Variants in KCNQ5 observed in about 807,000 individuals in gnomAD.
KCNQ5 encodes potassium voltage-gated channel subfamily Q member 5, also known as potassium voltage-gated channel subfamily KQT member 5.
A neutral mutation model predicts 98.2 loss-of-function variants in KCNQ5; 30 were observed. The observed-to-expected ratio is 0.31, with a 90% confidence interval of 0.23 to 0.41. The LOEUF (loss-of-function observed/expected upper bound fraction) is 0.41, where lower values mean the gene tolerates loss of function less well. Among genes scored for constraint, KCNQ5 ranks in the 10% least tolerant of loss-of-function variants. The pLI is 1.00. For synonymous variants in KCNQ5, 458 were observed against 449.4 expected, an observed-to-expected ratio of 1.02 and a Z score of -0.24; for missense variants, 835 against 1,182.5, an observed-to-expected ratio of 0.71 and a Z score of 4.31.
chr6:73,065,049 G>GAAAA (rs67817942), intron 3 of KCNQ5, among the ~76,000 whole-genome samples: 3 of 146,790 alleles, frequency 2.0e-5, no homozygotes, highest in Non-Finnish European at 1.5e-5. Context: ...CCTGTAGCAT[G>GAAAA]AGAAAAAAAA....
chr6:73,040,088 G>A (rs1403387563), intron 2 of KCNQ5, among the ~76,000 whole-genome samples: 2 of 151,974 alleles, frequency 1.3e-5, no homozygotes, highest in Non-Finnish European at 1.5e-5. Context: ...ACTTGTAAAT[G>A]TACTTTATCC....
At chr6:73,151,488 A>G (rs932054835) in intron 10 of KCNQ5, among the ~76,000 whole-genome samples, 3 of 152,224 alleles carry the variant, frequency 2.0e-5, no homozygotes, top group Non-Finnish European at 4.4e-5. Flanking sequence ...TTCAGCATCT[A>G]CATTATGTAT....
At chr6:72,970,549 AAGCCAAAAGAAC>A (rs1767836538) in intron 1 of KCNQ5, among the ~76,000 whole-genome samples, 2 of 152,188 alleles carry the variant, frequency 1.3e-5, no homozygotes, top group African/African-American at 4.8e-5. Context: ...TATAAGAGGT[AAGCCAAAAGAAC>A]AAAGCTGGAG....
At chr6:73,001,346 T>A (rs965554098) in intron 1 of KCNQ5, among the ~76,000 whole-genome samples, 1 of 152,216 alleles carries the variant, frequency 6.6e-6, no homozygotes, top group Non-Finnish European at 1.5e-5. Flanking sequence ...ATTTTTGGCA[T>A]AGGAATTATT....
At chr6:73,087,488 A>G (rs1016502173) in intron 5 of KCNQ5, among the ~76,000 whole-genome samples, 44 of 152,200 alleles carry the variant, frequency 2.9e-4, no homozygotes, top group Non-Finnish European at 5.1e-4. Context: ...AACTGCAGAT[A>G]TGTGAATTGG....
At chr6:72,871,663 A>G (rs1778212695) in intron 1 of KCNQ5, among the ~76,000 whole-genome samples, 2 of 152,206 alleles carry the variant, frequency 1.3e-5, no homozygotes, top group Non-Finnish European at 2.9e-5. Flanking sequence ...ATGTAAACTA[A>G]AAGCCAACAT....
intron 3 of KCNQ5, among the ~76,000 whole-genome samples, chr6:73,053,489 C>T (rs1772334561): frequency 6.6e-6 from 1 of 152,012 alleles, no homozygotes; most frequent in African/African-American, 2.4e-5. Flanking sequence ...ATTGACTAAT[C>T]AGCCATAAAA....
chr6:73,111,238 CTT>C, intron 6 of KCNQ5, 68 bp from the exon 7 acceptor site: 1 of 1,060,948 alleles, frequency 9.4e-7, no homozygotes, highest in East Asian at 2.4e-5. Flanking sequence ...ATTTTAGTGA[CTT>C]TTTAATATTT....
intron 1 of KCNQ5, among the ~76,000 whole-genome samples, chr6:72,891,688 T>A (rs556704962): frequency 6.6e-6 from 1 of 152,336 alleles, no homozygotes; most frequent in South Asian, 2.1e-4. Context: ...AAGGTGCAAC[T>A]CTACCATCTT....
intron 1 of KCNQ5, among the ~76,000 whole-genome samples, chr6:72,937,702 G>A (rs4587134): frequency 6.6e-6 from 1 of 152,060 alleles, no homozygotes; most frequent in East Asian, 1.9e-4. Flanking sequence ...ATTAACAAGA[G>A]AAAAATGTGT....
chr6:72,627,591 GTCA>G (rs2098918602), intron 1 of KCNQ5, among the ~76,000 whole-genome samples: 1 of 152,204 alleles, frequency 6.6e-6, no homozygotes, highest in South Asian at 2.1e-4. Flanking sequence ...AGTGCTAAGA[GTCA>G]TAAATATGAT....
intron 5 of KCNQ5, among the ~76,000 whole-genome samples, chr6:73,087,057 C>T (rs1273313764): frequency 6.6e-6 from 1 of 152,098 alleles, no homozygotes; most frequent in East Asian, 1.9e-4. Flanking sequence ...TAATTAGTAG[C>T]TTAGAATTTA....
At chr6:73,034,273 C>CT (rs1330355099) in intron 2 of KCNQ5, among the ~76,000 whole-genome samples, 9 of 152,142 alleles carry the variant, frequency 5.9e-5, no homozygotes, top group African/African-American at 2.2e-4. Context: ...CCCTATGTTA[C>CT]TTTAAGTATA....
intron 10 of KCNQ5, among the ~76,000 whole-genome samples, chr6:73,152,968 C>T (rs575443530): frequency 6.6e-6 from 1 of 152,274 alleles, no homozygotes; most frequent in South Asian, 2.1e-4. Context: ...TGTCCTTTGA[C>T]TGTGTTGGAT....
intron 1 of KCNQ5, among the ~76,000 whole-genome samples, chr6:72,733,387 G>T (rs1762324687): frequency 6.6e-6 from 1 of 152,226 alleles, no homozygotes; most frequent in Admixed American, 6.5e-5. Context: ...GCCATAAAAA[G>T]ATCATTGAGG....
intron 10 of KCNQ5, chr6:73,143,660 T>C (rs1776807413): frequency 1.3e-5 from 2 of 152,158 alleles, no homozygotes; most frequent in Non-Finnish European, 2.9e-5. Flanking sequence ...CAGAAGGTAT[T>C]TGAGGGCTGC....
Position 72,631,477 on chromosome 6 carries a change from A to G in KCNQ5, c.398+8890A>G, listed in dbSNP as rs1361210227. Among the ~76,000 whole-genome samples, 4 of 152,236 alleles carry G rather than the reference A, an allele frequency of 2.6e-5. No homozygotes were observed. The East Asian group carries it at 7.7e-4, about 29-fold the overall frequency. On this transcript the variant is annotated intron_variant, in intron 1 of 13. Transcript: ENST00000370398. ...CAAAAAGATGGTCAGGGTTGTGGAA[A>G]CAAAGGGTATTGAGAGAGTTTCAAA...
chr6:73,130,580 A>G (rs775758161), intron 9 of KCNQ5, among the ~76,000 whole-genome samples: 1 of 152,134 alleles, frequency 6.6e-6, no homozygotes, highest in Admixed American at 6.5e-5. Context: ...CAAAAATCAT[A>G]TTCGTAGATG....
chr6:72,906,399 C>G (rs1426469675), intron 1 of KCNQ5, among the ~76,000 whole-genome samples: 1 of 152,216 alleles, frequency 6.6e-6, no homozygotes, highest in Non-Finnish European at 1.5e-5. Flanking sequence ...GCACCCTCCC[C>G]TGAGTTCTGA....
Sources: gnomAD v4.1 joint callset for allele counts (sites outside exome capture counted in the v4.1 genomes callset) on GRCh38, gnomAD v4.1.1 for gene constraint, MANE v1.5 for transcripts, NCBI Gene and HGNC (gene_info 2026-07-23, HGNC 2026-07-21) for gene names.